ADGB: variants seen among roughly 807,000 people sequenced by gnomAD.
ADGB encodes the protein calpain-7-like protein.
ADGB carries 172 observed loss-of-function variants against 210.5 expected under a neutral mutation model. The observed-to-expected ratio is 0.82, with a 90% CI of 0.72 to 0.93. The LOEUF is 0.93. Ranked by LOEUF, ADGB falls within the 40% of genes least tolerant of loss-of-function variation. The pLI, the probability that ADGB is intolerant of heterozygous loss-of-function variation, is 0.00. For synonymous variants in ADGB, 658 were observed against 662.7 expected (o/e 0.99, Z 0.11); for missense variants, 2,025 against 1,964.8 (o/e 1.03, Z -0.58).
chr6:146,730,772 C>A (rs559053043), intron 20 of ADGB, among the ~76,000 whole-genome samples: 2 of 152,208 alleles, frequency 1.3e-5, no homozygotes, highest in African/African-American at 4.8e-5. Context: ...AACTCCATCT[C>A]TACTAAAGAT....
chr6:146,751,733 G>A (rs920290120), intron 26 of ADGB, among the ~76,000 whole-genome samples: 4 of 152,200 alleles, frequency 2.6e-5, no homozygotes, highest in African/African-American at 9.6e-5. Context: ...GATCAGTGAT[G>A]TTGAGCTATC....
intron 12 of ADGB, 47 bp downstream of exon 12, chr6:146,692,962 C>T (rs772503061): frequency 9.3e-7 from 1 of 1,072,104 alleles, no homozygotes. Context: ...TTAGTAAATA[C>T]TTTGTGATGT....
intron 2 of ADGB, among the ~76,000 whole-genome samples, chr6:146,638,076 G>A (rs1295565120): frequency 6.6e-6 from 1 of 152,010 alleles, no homozygotes; most frequent in Non-Finnish European, 1.5e-5. Context: ...TGCAAGTTTG[G>A]TTCAACAGAC....
At position 146,736,548 on chromosome 6, in the gene ADGB, G is replaced by C; in HGVS notation, c.2845G>C (p.Val949Leu). The change falls in exon 23 of 36, where the codon GTA (valine) becomes CTA (leucine). Residue 949 changes from valine (V) to leucine (L), a missense_variant. Coordinates refer to ENST00000397944, the MANE Select transcript of ADGB (RefSeq NM_024694.4). ...VADTLQKVWA[V>L]LEMNLEQYAV... ...AGATACTCTTCAAAAAGTTTGGGCT[G>C]TATTGGAAATGAATTTAGAACAGTA... is the stretch of plus-strand genomic sequence containing the variant. 1 of 1,549,262 alleles carries C rather than the reference G, an allele frequency of 6.5e-7. No individual in the cohort carries two copies. The highest frequency in any genetic ancestry group is 8.7e-7 in the Non-Finnish European group (1 of 1,145,838).
chr6:146,664,340 A>G lies in ADGB; in HGVS notation c.752A>G (p.Asp251Gly). The G allele has an allele frequency of 2.6e-6, 4 of 1,547,932 alleles. No individual in the cohort carries two copies. The highest frequency in any genetic ancestry group is 3.5e-6 in the Non-Finnish European group (4 of 1,145,464). The change falls in exon 6 of 36, where the codon GAC (aspartate) becomes GGC (glycine). Residue 251 changes from aspartate (D) to glycine (G), a missense_variant and splice_region_variant. By Grantham distance (94) the Asp-to-Gly change is moderately conservative (BLOSUM62 -1). Coordinates refer to ENST00000397944, the MANE Select transcript of ADGB (RefSeq NM_024694.4). ...GCTATTATCAAGCTGGCAAATATTGAGTATGTAATGACACTATCACTCACA... is the reference window on the plus strand; with the variant it reads ...GCTATTATCAAGCTGGCAAATATTGGGTATGTAATGACACTATCACTCACA... ...SKAIIKLANI[D>G]IHVADRRELG...
At chr6:146,737,361 T>G (rs1412648333) in intron 23 of ADGB, among the ~76,000 whole-genome samples, 1 of 152,154 alleles carries the variant, frequency 6.6e-6, no homozygotes, top group African/African-American at 2.4e-5. Context: ...CTGGGTAATA[T>G]GTCAATAAAA....
chr6:146,737,208 G>T (rs1777092147), intron 23 of ADGB, among the ~76,000 whole-genome samples: 1 of 151,322 alleles, frequency 6.6e-6, no homozygotes, highest in Admixed American at 6.6e-5. Context: ...TAATAAAAAA[G>T]AGAAAATAGA....
chr6:146,686,541 T>G (rs1371434054), intron 10 of ADGB, among the ~76,000 whole-genome samples: 1 of 152,130 alleles, frequency 6.6e-6, no homozygotes, highest in Non-Finnish European at 1.5e-5. Context: ...GTTAACATTT[T>G]TTTCATGATG....
rs762627387 is a variant in ADGB at position 146,782,179 on chromosome 6, G to A, written c.4022G>A (p.Arg1341His). The A allele has an allele frequency of 1.7e-5, 26 of 1,532,810 alleles. No homozygotes were observed. Among genetic ancestry groups the A allele is most frequent in the Middle Eastern group, 1.7e-4 (1 of 5,924 alleles). The allele number at this position is 1,532,810 out of a possible 1,614,324, so 95.0% of individuals were successfully genotyped here. A position where few individuals can be genotyped will look rare whatever the true frequency, so the allele number is the denominator to read the frequency against. Reference sequence around the variant, plus strand: ...ACAGCCAAAGAAAAACAAGCACCTCGCTTTGAGCCTCAGGTGGGTGTGGAA... The same window carrying A: ...ACAGCCAAAGAAAAACAAGCACCTCACTTTGAGCCTCAGGTGGGTGTGGAA... ...EKTAKEKQAP[R>H]FEPQISTVHP... The change falls in exon 30 of 36, where the codon CGC becomes CAC. Residue 1341 changes from arginine (R) to histidine (H), a missense_variant. Coordinates refer to ENST00000397944, the MANE Select transcript of ADGB (RefSeq NM_024694.4).
Position 146,762,046 on chromosome 6 carries a change from C to T in ADGB, c.3551-1855C>T, listed in dbSNP as rs115173426. Among the ~76,000 whole-genome samples the T allele has an allele frequency of 4.9e-3, 747 of 152,176 alleles. 2 individuals carry two copies. The highest frequency in any genetic ancestry group is 0.017 in the African/African-American group (703 of 41,540). ...GACACCCATCATTGGATTTAGGGCT[C>T]ATCCTAATCCAGGTTGATGTCTTCT... On this transcript the variant is annotated intron_variant, in intron 27 of 35. Coordinates refer to ENST00000397944, the MANE Select transcript of ADGB (RefSeq NM_024694.4).
chr6:146,752,709 C>G lies in ADGB; in HGVS notation c.3545C>G (p.Ser1182Cys). ...HFLKSEKGLS[S>C]QSSKHILSFH... ...TTGAAGAGTGAGAAAGGTTTGAGCT[C>G]CCAGTGTAAGTGTACCTTTATGAAC... The change falls in exon 27 of 36, where the codon TCC (serine) becomes TGC (cysteine). Residue 1182 changes from serine (S) to cysteine (C), a missense_variant. Transcript: ENST00000397944. 6.5e-7 allele frequency: 1 copy of G among 1,548,246 alleles called. No homozygotes were observed. The highest frequency in any genetic ancestry group is 1.7e-4 in the Middle Eastern group (1 of 5,948).
chr6:146,722,382 T>C (rs1425264507), intron 17 of ADGB, among the ~76,000 whole-genome samples: 6 of 152,152 alleles, frequency 3.9e-5, no homozygotes, highest in African/African-American at 1.4e-4. Context: ...ATCACAGAGA[T>C]AGCCTCCACA....
Position 146,685,687 on chromosome 6 carries a change from C to T in ADGB, c.1217-47C>T, listed in dbSNP as rs148991839. 8.4e-5 allele frequency: 103 copies of T among 1,233,246 alleles called. No individual in the cohort carries two copies. In the East Asian group the frequency reaches 2.9e-3, roughly 35 times the overall value. The allele number at this position is 1,233,246 out of a possible 1,614,324, so 76.4% of individuals were successfully genotyped here. A position where few individuals can be genotyped will look rare whatever the true frequency, so the allele number is the denominator to read the frequency against. ...AATCTGGAGTGAGCAACTGACAGACCGATTTTGACTAGAATTTTCACAACA... is the reference window on the plus strand; with the variant it reads ...AATCTGGAGTGAGCAACTGACAGACTGATTTTGACTAGAATTTTCACAACA... On this transcript the variant is annotated intron_variant, in intron 9 of 35. Coordinates refer to ENST00000397944, the MANE Select transcript of ADGB (RefSeq NM_024694.4).
chr6:146,798,659 T>C (rs1253913606), intron 33 of ADGB, among the ~76,000 whole-genome samples: 1 of 151,068 alleles, frequency 6.6e-6, no homozygotes, highest in African/African-American at 2.4e-5. Context: ...TCCTATATGC[T>C]AAACTTCTAA....
At chr6:146,691,850 T>G (rs1422233786) in intron 11 of ADGB, among the ~76,000 whole-genome samples, 1 of 151,558 alleles carries the variant, frequency 6.6e-6, no homozygotes, top group Non-Finnish European at 1.5e-5. Flanking sequence ...AACTTCCCAG[T>G]TTTTTGTGTT....
rs181444226 is a variant in ADGB, at chr6:146,656,702, T to A, written c.403-69T>A. The stretch of plus-strand genomic sequence containing the variant: ...TCTTGGAAGTGGATTTTTTTACTGT[T>A]TTTATCCCTAAATTACAGTACCTAC... On this transcript the variant is annotated intron_variant, in intron 4 of 35. Transcript: ENST00000397944. 902 of 1,104,230 alleles carry A rather than the reference T, an allele frequency of 8.2e-4. 2 individuals are homozygous for A. Among genetic ancestry groups the A allele is most frequent in the African/African-American group, 6.9e-3 (433 of 62,922 alleles). 68.4% of individuals were successfully genotyped at this position (1,104,230 alleles called of 1,614,324 possible). A position where few individuals can be genotyped will look rare whatever the true frequency, so the allele number is the denominator to read the frequency against.
chr6:146,655,934 G>T (rs994722010), intron 4 of ADGB, among the ~76,000 whole-genome samples: 4 of 152,084 alleles, frequency 2.6e-5, no homozygotes, highest in Non-Finnish European at 5.9e-5. Flanking sequence ...TTAAACATGA[G>T]ATGAATAATT....
intron 33 of ADGB, among the ~76,000 whole-genome samples, chr6:146,798,829 A>G (rs1165418855): frequency 1.3e-5 from 2 of 152,092 alleles, no homozygotes; most frequent in Non-Finnish European, 1.5e-5. Flanking sequence ...ATACACGGAA[A>G]TAAATTTAAC....
At chr6:146,719,574 C>T (rs6570774) in intron 16 of ADGB, among the ~76,000 whole-genome samples, 81,547 of 151,982 alleles carry the variant, frequency 0.54, 22,576 homozygotes, top group African/African-American at 0.66. Context: ...AGTGGCCTGC[C>T]GAGCTGGGGA....
Sources: allele counts gnomAD v4.1 joint callset (sites outside exome capture counted in the v4.1 genomes callset), GRCh38; gene constraint gnomAD v4.1.1; transcripts MANE v1.5; gene names NCBI Gene and HGNC (gene_info 2026-07-23, HGNC 2026-07-21).